RALYL: variants seen among roughly 807,000 people sequenced by gnomAD.
RALYL encodes the protein RALY RNA binding protein like.
RALYL carries 29 observed loss-of-function variants against 35.1 expected under a neutral mutation model. That is an observed-to-expected ratio of 0.83 (90% CI 0.61 to 1.13). RALYL has a LOEUF of 1.13. RALYL is among the 50% of genes most tolerant of loss of function. The probability of loss-of-function intolerance (pLI) is 0.00; values close to 1 mark genes in which losing one functional copy is unlikely to be tolerated. For missense variants in RALYL, 359 were observed against 360.4 expected, an observed-to-expected ratio of 1.00 and a Z score of 0.03; for synonymous variants, 120 against 127.6, an observed-to-expected ratio of 0.94 and a Z score of 0.40.
chr8:84,279,370 G>A (rs773620856), intron 1 of RALYL, among the ~76,000 whole-genome samples: 27 of 152,146 alleles, frequency 1.8e-4, no homozygotes, highest in Non-Finnish European at 3.5e-4. Flanking sequence ...AACAAGATAG[G>A]TAAGTTTGAT....
intron 2 of RALYL, among the ~76,000 whole-genome samples, chr8:84,664,256 C>G (rs1831488086): frequency 8.1e-6 from 1 of 123,732 alleles, no homozygotes; most frequent in Admixed American, 9.6e-5. Flanking sequence ...GAGTGTGATG[C>G]CTCTAGATTT....
chr8:84,410,297 A>G (rs1415271109), intron 1 of RALYL, among the ~76,000 whole-genome samples: 1 of 151,952 alleles, frequency 6.6e-6, no homozygotes, highest in Non-Finnish European at 1.5e-5. Context: ...CAAAAACTCT[A>G]TGGCTTTTGA....
At chr8:84,186,182 T>C (rs749960604) in intron 1 of RALYL, among the ~76,000 whole-genome samples, 7 of 152,138 alleles carry the variant, frequency 4.6e-5, no homozygotes, top group Admixed American at 6.5e-5. Context: ...GTGGACACCA[T>C]ATTTGATATC....
At chr8:84,340,298 C>A (rs1848574652) in intron 1 of RALYL, among the ~76,000 whole-genome samples, 1 of 152,064 alleles carries the variant, frequency 6.6e-6, no homozygotes, top group African/African-American at 2.4e-5. Flanking sequence ...AGTAAGAACA[C>A]AGTGTAAGAT....
chr8:84,779,308 A>ATTT (rs1421336544), intron 3 of RALYL, among the ~76,000 whole-genome samples: 14 of 152,352 alleles, frequency 9.2e-5, no homozygotes, highest in African/African-American at 3.1e-4. Context: ...TTTGTAAAGT[A>ATTT]GACAGACCTT....
chr8:84,224,607 A>G (rs1823376316), intron 1 of RALYL, among the ~76,000 whole-genome samples: 1 of 152,112 alleles, frequency 6.6e-6, no homozygotes, highest in Non-Finnish European at 1.5e-5. Flanking sequence ...AGGTGTTTTT[A>G]TGAATGTAGA....
chr8:84,705,806 C>A, intron 2 of RALYL: 1 of 935,560 alleles, frequency 1.1e-6, no homozygotes, highest in South Asian at 2.5e-5. Flanking sequence ...GAAGGAAATA[C>A]AATTTTCCCT....
At position 84,520,445 on chromosome 8, in the gene RALYL, A is replaced by G. The variant is rs541770146; in HGVS notation, c.-23-8854A>G. On this transcript the variant is annotated intron_variant, in intron 1 of 8. Transcript: ENST00000521268. ...GATCTTACTTCTTTAAGTCTCTTTT[A>G]TTTTTAAAATTGATATTTAACTTTT... Among the ~76,000 whole-genome samples the G allele has an allele frequency of 5.3e-5, 8 of 152,300 alleles. No homozygotes were observed. The South Asian group carries it at 1.7e-3, about 32-fold the overall frequency.
intron 1 of RALYL, among the ~76,000 whole-genome samples, chr8:84,446,016 A>G (rs2048813662): frequency 6.6e-6 from 1 of 151,970 alleles, no homozygotes; most frequent in Non-Finnish European, 1.5e-5. Flanking sequence ...ATATCAAGGA[A>G]AACAGGAAAT....
At chr8:84,728,605 T>C (rs543393997) in intron 2 of RALYL, among the ~76,000 whole-genome samples, 2 of 152,292 alleles carry the variant, frequency 1.3e-5, no homozygotes, top group East Asian at 3.9e-4. Context: ...TTTATGGTTT[T>C]AGGTGTGAGG....
At chr8:84,651,066 T>C (rs557357128) in intron 2 of RALYL, among the ~76,000 whole-genome samples, 75 of 151,952 alleles carry the variant, frequency 4.9e-4, no homozygotes, top group African/African-American at 1.4e-3. Flanking sequence ...CTCTGGGGAC[T>C]GTTGTGGGGT....
chr8:84,830,637 T>A (rs1487304099), intron 4 of RALYL, among the ~76,000 whole-genome samples: 1 of 152,142 alleles, frequency 6.6e-6, no homozygotes, highest in Non-Finnish European at 1.5e-5. Flanking sequence ...TTTATATGGT[T>A]ATATCAATAT....
chr8:84,229,112 G>T (rs138180696), intron 1 of RALYL, among the ~76,000 whole-genome samples: 1 of 152,060 alleles, frequency 6.6e-6, no homozygotes, highest in Admixed American at 6.6e-5. Context: ...TCATTCATAC[G>T]TGCATACATA....
At chr8:84,432,783 G>A (rs952444845) in intron 1 of RALYL, among the ~76,000 whole-genome samples, 11 of 151,998 alleles carry the variant, frequency 7.2e-5, no homozygotes, top group African/African-American at 2.4e-4. Context: ...TGCAATCCAA[G>A]GAATAACAAA....
At chr8:84,844,951 C>A (rs991126077) in intron 4 of RALYL, among the ~76,000 whole-genome samples, 2 of 151,626 alleles carry the variant, frequency 1.3e-5, no homozygotes, top group African/African-American at 4.8e-5. Flanking sequence ...GGGAACATCA[C>A]ACACCAGGGC....
chr8:84,911,895 G>C (rs1000230875), intron 8 of RALYL, among the ~76,000 whole-genome samples: 1 of 152,084 alleles, frequency 6.6e-6, no homozygotes, highest in East Asian at 1.9e-4. Flanking sequence ...AGATACATAA[G>C]GTAAGGTCTG....
At chr8:84,711,534 T>TA (rs1350255426) in intron 2 of RALYL, among the ~76,000 whole-genome samples, 31 of 152,158 alleles carry the variant, frequency 2.0e-4, no homozygotes, top group Non-Finnish European at 1.5e-5. Flanking sequence ...TTACAAGAAT[T>TA]AAAATTAAGT....
intron 1 of RALYL, among the ~76,000 whole-genome samples, chr8:84,359,520 AAAG>A (rs1393331576): frequency 1.3e-5 from 2 of 152,098 alleles, no homozygotes; most frequent in East Asian, 3.9e-4. Flanking sequence ...CACTTTTAAA[AAAG>A]AAGTATTTTA....
chr8:84,499,532 C>A (rs998380451), intron 1 of RALYL, among the ~76,000 whole-genome samples: 1 of 152,072 alleles, frequency 6.6e-6, no homozygotes, highest in Non-Finnish European at 1.5e-5. Context: ...AAACACTGAG[C>A]AGAGACAACA....
Sources: allele counts gnomAD v4.1 joint callset (sites outside exome capture counted in the v4.1 genomes callset), GRCh38; gene constraint gnomAD v4.1.1; transcripts MANE v1.5; gene names NCBI Gene and HGNC (gene_info 2026-07-23, HGNC 2026-07-21).